ITPRID2: variants seen among roughly 807,000 people sequenced by gnomAD.
ITPRID2 encodes the protein ITPR interacting domain containing 2, also known as protein ITPRID2.
A neutral mutation model predicts 124.3 loss-of-function variants in ITPRID2; 60 were observed. The observed-to-expected ratio is 0.48, with a 90% CI of 0.39 to 0.60. The LOEUF (loss-of-function observed/expected upper bound fraction) is 0.60, where lower values mean the gene tolerates loss of function less well. Ranked by LOEUF, ITPRID2 falls within the 20% of genes least tolerant of loss-of-function variation. The pLI is 0.00. For missense variants in ITPRID2, 1,553 were observed against 1,512.2 expected, an observed-to-expected ratio of 1.03 and a Z score of -0.45; for synonymous variants, 521 against 542.9, an observed-to-expected ratio of 0.96 and a Z score of 0.56.
At chr2:181,927,729 A>T (rs1559025106) in intron 16 of ITPRID2, among the ~76,000 whole-genome samples, 1 of 152,238 alleles carries the variant, frequency 6.6e-6, no homozygotes, top group African/African-American at 2.4e-5. Flanking sequence ...AACAGGCAGT[A>T]TACCTGTATA....
At chr2:181,894,160 CAA>C (rs1558974993) in intron 2 of ITPRID2, 3 of 152,080 alleles carry the variant, frequency 2.0e-5, no homozygotes. Context: ...AAATTAAGAA[CAA>C]GAGAAGAATC....
intron 5 of ITPRID2, 38 bp downstream of exon 5, chr2:181,898,957 A>G: frequency 6.3e-7 from 1 of 1,597,662 alleles, no homozygotes; most frequent in Non-Finnish European, 8.6e-7. Context: ...TTAAAAAATG[A>G]AGACCTTTAA....
intron 8 of ITPRID2, among the ~76,000 whole-genome samples, chr2:181,908,319 G>A (rs1329464539): frequency 6.6e-6 from 1 of 152,170 alleles, no homozygotes; most frequent in Admixed American, 6.5e-5. Flanking sequence ...CTGTGCCTGA[G>A]CCAGTATTCC....
chr2:181,927,837 C>T (rs1363104002), intron 16 of ITPRID2, among the ~76,000 whole-genome samples: 3 of 152,164 alleles, frequency 2.0e-5, no homozygotes, highest in Admixed American at 6.5e-5. Context: ...TTTAAGAAGT[C>T]CTTCCAGATT....
At chr2:181,901,199 A>T (rs1252633523) in intron 7 of ITPRID2, among the ~76,000 whole-genome samples, 2 of 152,186 alleles carry the variant, frequency 1.3e-5, no homozygotes, top group Admixed American at 6.5e-5. Flanking sequence ...AAGAAGTAGG[A>T]GAGGAGCCTT....
chr2:181,898,681 C>T (rs1486326481), intron 4 of ITPRID2, among the ~76,000 whole-genome samples, 199 bp from the exon 5 acceptor site: 4 of 151,992 alleles, frequency 2.6e-5, no homozygotes, highest in African/African-American at 9.7e-5. Context: ...ACAAAAACAC[C>T]CTTCAAAAGC....
rs746628279 is a variant in ITPRID2 at position 181,930,306 on chromosome 2, G to T, written c.*759G>T. The T allele has an allele frequency of 6.6e-6, 1 of 152,486 alleles. No homozygotes were observed. Among genetic ancestry groups the T allele is most frequent in the African/African-American group, 2.4e-5 (1 of 41,434 alleles). The allele number at this position is 152,486 out of a possible 1,614,324, so 9.4% of individuals were successfully genotyped here. On this transcript the variant is annotated 3_prime_UTR_variant, in exon 18 of 18. Transcript: ENST00000431877. ...CTTTTTCTGTCTTCTAGACTAAATA[G>T]AGTATCATCCAAATAATGGGGCCTA...
intron 6 of ITPRID2, among the ~76,000 whole-genome samples, chr2:181,899,883 G>A (rs986029589): frequency 1.3e-5 from 2 of 152,122 alleles, no homozygotes; most frequent in Non-Finnish European, 2.9e-5. Context: ...CGCACATATA[G>A]TATATTAAAA....
In ITPRID2 at chr2:181,896,196, A is replaced by G; in HGVS notation, c.307+117A>G. The stretch of plus-strand genomic sequence containing the variant: ...GATATTCATGTTTATAGTATATGCT[A>G]TTCTGAGCTAGAAGCAAAATGGAGA... On this transcript the variant is annotated intron_variant, in intron 3 of 17. Transcript: ENST00000431877. The surrounding 1 kb of genome is among the most constrained non-coding windows in gnomAD (Gnocchi z 4.3). The G allele has an allele frequency of 1.1e-6, 1 of 899,542 alleles. No homozygotes were observed. The highest frequency in any genetic ancestry group is 1.7e-6 in the Non-Finnish European group (1 of 585,386). The allele number at this position is 899,542 out of a possible 1,614,324, so 55.7% of individuals were successfully genotyped here.
At position 181,905,084 on chromosome 2, in the gene ITPRID2, C is replaced by T. The variant is rs1311901435; in HGVS notation, c.1413+2618C>T. Among the ~76,000 whole-genome samples, 4 of 146,996 alleles carry T rather than the reference C, an allele frequency of 2.7e-5. No individual in the cohort carries two copies. Among genetic ancestry groups the T allele is most frequent in the East Asian group, 4.0e-4 (2 of 5,050 alleles). ...TTTTTTTTTTTTTGAGACGGAGTCGCGCATTGTCACCCGGGAGTGCAGTGG... is the reference window on the plus strand; with the variant it reads ...TTTTTTTTTTTTTGAGACGGAGTCGTGCATTGTCACCCGGGAGTGCAGTGG... On this transcript the variant is annotated intron_variant, in intron 8 of 17. Transcript: ENST00000431877. The surrounding 1 kb of genome is among the most constrained non-coding windows in gnomAD (Gnocchi z 4.1).
intron 2 of ITPRID2, among the ~76,000 whole-genome samples, chr2:181,895,619 A>G (rs1363180972): frequency 6.6e-6 from 1 of 152,018 alleles, no homozygotes; most frequent in African/African-American, 2.4e-5. Flanking sequence ...AATTTTATTA[A>G]GGTTAAGTTA....
chr2:181,898,969 G>A (rs1040462192), intron 5 of ITPRID2, 45 bp from the exon 6 acceptor site: 6 of 1,594,186 alleles, frequency 3.8e-6, no homozygotes, highest in Non-Finnish European at 5.1e-6. Flanking sequence ...GACCTTTAAT[G>A]AAAATAAAGT....
intron 9 of ITPRID2, among the ~76,000 whole-genome samples, chr2:181,911,791 GAGAT>G (rs1262393157): frequency 6.6e-6 from 1 of 152,178 alleles, no homozygotes; most frequent in Non-Finnish European, 1.5e-5. Flanking sequence ...GTAGCCCTGT[GAGAT>G]AGATAGAAGA....
chr2:181,915,235 C>A lies in ITPRID2; in HGVS notation c.1595C>A (p.Ala532Asp), dbSNP rs1693935284. The A allele has an allele frequency of 6.2e-7, 1 of 1,613,810 alleles. No homozygotes were observed. The highest frequency in any genetic ancestry group is 1.3e-5 in the African/African-American group (1 of 74,886). The change falls in exon 11 of 18, where the codon GCT becomes GAT. Residue 532 changes from alanine (A) to aspartate (D), a missense_variant. Coordinates refer to ENST00000431877, the MANE Select transcript of ITPRID2 (RefSeq NM_001130445.3). ...NHLQVQESLQ[A>D]MGSSADSCDS... is the part of the protein sequence containing the mutation. ...TCACAGGTTCAGGAGTCCTTGCAGG[C>A]TATGGGGAGTAGTGCTGATAGTTGT...
At position 181,910,114 on chromosome 2, in the gene ITPRID2, G is replaced by T. The variant is rs1693483979; in HGVS notation, c.1486+143G>T. 7.0e-6 allele frequency: 4 copies of T among 569,762 alleles called. No individual in the cohort carries two copies. Among genetic ancestry groups the T allele is most frequent in the South Asian group, 2.8e-5 (1 of 35,962 alleles). 35.3% of individuals were successfully genotyped at this position (569,762 alleles called of 1,614,324 possible). A position where few individuals can be genotyped will look rare whatever the true frequency, so the allele number is the denominator to read the frequency against. On this transcript the variant is annotated intron_variant, in intron 9 of 17. Transcript: ENST00000431877. The surrounding 1 kb of genome is among the most constrained non-coding windows in gnomAD (Gnocchi z 4.1). ...ACACAGGTAGGCATGATTCACTATT[G>T]TTTGTAGAACTTTTTTTGTATTTTT...
At chr2:181,928,700 A>T (rs1695046657) in intron 17 of ITPRID2, among the ~76,000 whole-genome samples, 2 of 150,112 alleles carry the variant, frequency 1.3e-5, no homozygotes, top group African/African-American at 4.9e-5. Context: ...ATCTCGGCTC[A>T]CTGCAAGCTC....
intron 14 of ITPRID2, 75 bp from the exon 15 acceptor site, chr2:181,920,522 T>C (rs945569104): frequency 2.8e-6 from 3 of 1,078,244 alleles, no homozygotes; most frequent in African/African-American, 3.2e-5. Flanking sequence ...AATATATATG[T>C]ACATTATAAT....
Position 181,919,693 on chromosome 2 carries a change from T to G in ITPRID2, c.3144+247T>G, listed in dbSNP as rs1466973696. Among the ~76,000 whole-genome samples, 2 of 152,162 alleles carry G rather than the reference T, an allele frequency of 1.3e-5. No individual in the cohort carries two copies. The highest frequency in any genetic ancestry group is 2.9e-5 in the Non-Finnish European group (2 of 68,024). On this transcript the variant is annotated intron_variant, in intron 14 of 17. Transcript: ENST00000431877. The surrounding 1 kb of genome is among the most constrained non-coding windows in gnomAD (Gnocchi z 4.2). ...TTTAATAACAGGAAAGAATAAGGGC[T>G]TATACGAAAGTTGAGGGTTTTTAAA...
At chr2:181,900,017 T>G (rs1015360889) in intron 6 of ITPRID2, among the ~76,000 whole-genome samples, 7 of 152,250 alleles carry the variant, frequency 4.6e-5, no homozygotes, top group African/African-American at 1.4e-4. Flanking sequence ...TCTCTAACTT[T>G]CCTGTTTTCT....
Sources: allele counts gnomAD v4.1 joint callset (sites outside exome capture counted in the v4.1 genomes callset), GRCh38; gene constraint gnomAD v4.1.1; non-coding constraint Gnocchi (gnomAD v3.1); transcripts MANE v1.5; gene names NCBI Gene and HGNC (gene_info 2026-07-23, HGNC 2026-07-21).